The following C14orf39 variants were observed in gnomAD, a reference collection of about 807,000 sequenced individuals.
The protein encoded by C14orf39 is protein SIX6OS1.
Under a neutral mutation model 85.6 loss-of-function variants are expected in C14orf39, and 66 were observed. The observed-to-expected ratio is 0.77, with a 90% CI of 0.63 to 0.95. The LOEUF (loss-of-function observed/expected upper bound fraction) is 0.95. Ranked by LOEUF, C14orf39 falls within the 40% of genes least tolerant of loss-of-function variation. The pLI is 0.00. For missense variants in C14orf39, 735 were observed against 663.9 expected (o/e 1.11, Z -1.18); for synonymous variants, 242 against 214.0 (o/e 1.13, Z -1.14).
intron 1 of C14orf39, among the ~76,000 whole-genome samples, chr14:60,502,902 A>G (rs1398717554): frequency 6.6e-6 from 1 of 152,272 alleles, no homozygotes; most frequent in Non-Finnish European, 1.5e-5. Flanking sequence ...TAGGCTGAAA[A>G]GAAGATGAAG....
chr14:60,445,433 GACT>G lies in C14orf39; in HGVS notation c.1504-3305_1504-3303del, dbSNP rs201855043. ...TGCAATCCTAGTCTCTGATAAAACA[GACT>G]TTAAACCAACAAAGATCAAAAGAGA... On this transcript the variant is annotated intron_variant, in intron 16 of 17. Coordinates refer to ENST00000321731, the MANE Select transcript of C14orf39 (RefSeq NM_174978.3). Among the ~76,000 whole-genome samples, 849 of 152,230 alleles carry G rather than the reference GACT, an allele frequency of 5.6e-3. 2 individuals are homozygous for G. Among genetic ancestry groups the G allele is most frequent in the African/African-American group, 0.018 (761 of 41,538 alleles).
Position 60,436,763 on chromosome 14 carries a change from T to A in C14orf39, c.*82A>T. The A allele has an allele frequency of 1.2e-6, 1 of 856,392 alleles. No homozygotes were observed. The highest frequency in any genetic ancestry group is 1.7e-5 in the South Asian group (1 of 59,772). The allele number at this position is 856,392 out of a possible 1,614,324, so 53.0% of individuals were successfully genotyped here. A position where few individuals can be genotyped will look rare whatever the true frequency, so the allele number is the denominator to read the frequency against. ...TGCTTTAATCAATAAAAGAAAGCAG[T>A]CTTCATGTTTTAAGCAATAATGTAA... On this transcript the variant is annotated 3_prime_UTR_variant, in exon 18 of 18. Transcript: ENST00000321731.
intron 16 of C14orf39, among the ~76,000 whole-genome samples, chr14:60,445,529 T>C (rs1212604179): frequency 6.6e-6 from 1 of 152,142 alleles, no homozygotes; most frequent in Non-Finnish European, 1.5e-5. Flanking sequence ...CCTAAATATA[T>C]ATGAACCCAA....
At chr14:60,464,649 G>A (rs1385022317) in intron 11 of C14orf39, among the ~76,000 whole-genome samples, 1 of 151,870 alleles carries the variant, frequency 6.6e-6, no homozygotes, top group Non-Finnish European at 1.5e-5. Flanking sequence ...ACTCTATTTC[G>A]TACAACATTG....
intron 16 of C14orf39, among the ~76,000 whole-genome samples, chr14:60,444,069 G>T (rs1018506700): frequency 6.6e-6 from 1 of 152,194 alleles, no homozygotes; most frequent in African/African-American, 2.4e-5. Context: ...ACCAAAGGTA[G>T]ATAAAACCAC....
In C14orf39 at chr14:60,491,339, GTCTT is replaced by G. The variant is rs574138076; in HGVS notation, c.-8-6257_-8-6254del. Among the ~76,000 whole-genome samples the G allele has an allele frequency of 1.8e-3, 271 of 152,254 alleles. No homozygotes were observed. The highest frequency in any genetic ancestry group is 6.1e-3 in the African/African-American group (253 of 41,562). ...GTCCCAACATGGTGAAGAGGACAAA[GTCTT>G]TCCCTCAAGCCCTTTTATAGGCACT... On this transcript the variant is annotated intron_variant, in intron 2 of 5. Transcript: ENST00000556799. This position sits in a 1 kb window ranked among gnomAD's most constrained non-coding sequence, Gnocchi z 4.5.
intron 1 of C14orf39, among the ~76,000 whole-genome samples, chr14:60,500,588 TA>T (rs1486689516): frequency 6.6e-6 from 1 of 152,204 alleles, no homozygotes; most frequent in Non-Finnish European, 1.5e-5. Context: ...GAACACAATG[TA>T]ACCTTCAAAA....
At chr14:60,472,293 T>A (rs1295645361) in intron 5 of C14orf39, among the ~76,000 whole-genome samples, 1 of 152,114 alleles carries the variant, frequency 6.6e-6, no homozygotes, top group East Asian at 1.9e-4. Context: ...GAAAATTTTA[T>A]CACAGTTTAG....
Position 60,482,215 on chromosome 14 carries a change from G to A in C14orf39, c.233+1476C>T, listed in dbSNP as rs75629854. 2.0e-3 allele frequency among the ~76,000 whole-genome samples: 300 copies of A among 152,230 alleles called. 1 individual carries two copies. The highest frequency in any genetic ancestry group is 7.0e-3 in the African/African-American group (291 of 41,554). ...GTATCTAGGACACGGTAGGTTCTAC[G>A]GGGAAACTATTAGTACTTTTCCACA... On this transcript the variant is annotated intron_variant, in intron 4 of 17. Transcript: ENST00000321731.
At chr14:60,446,004 T>G (rs1295533919) in intron 16 of C14orf39, among the ~76,000 whole-genome samples, 5 of 152,140 alleles carry the variant, frequency 3.3e-5, no homozygotes, top group Non-Finnish European at 7.4e-5. Context: ...AAGACGTTCT[T>G]TGAAACCAAT....
chr14:60,458,863 T>C (rs1891396110), intron 13 of C14orf39, 124 bp from the exon 14 acceptor site: 3 of 650,044 alleles, frequency 4.6e-6, no homozygotes, highest in Non-Finnish European at 7.9e-6. Flanking sequence ...CAACTTCATA[T>C]GGTTCAACAT....
At chr14:60,456,883 A>G (rs1163270186) in intron 15 of C14orf39, 34 bp downstream of exon 15, 11 of 1,489,328 alleles carry the variant, frequency 7.4e-6, no homozygotes, top group Admixed American at 2.3e-5. Context: ...CAACATACAA[A>G]TAATTTAACA....
At position 60,515,473 on chromosome 14, in the gene C14orf39, G is replaced by T. The variant is rs1036886459; in HGVS notation, c.-222C>A. The T allele has an allele frequency of 6.6e-6, 1 of 151,954 alleles. No homozygotes were observed. The highest frequency in any genetic ancestry group is 2.4e-5 in the African/African-American group (1 of 41,400). 9.4% of individuals were successfully genotyped at this position (151,954 alleles called of 1,614,324 possible). A position where few individuals can be genotyped will look rare whatever the true frequency, so the allele number is the denominator to read the frequency against. On this transcript the variant is annotated 5_prime_UTR_variant, in exon 1 of 6. Transcript: ENST00000556799. The surrounding 1 kb of genome is among the most constrained non-coding windows in gnomAD (Gnocchi z 6.2). The stretch of plus-strand genomic sequence containing the variant: ...CTACTGTTGGGCTGCGTGACTCAGC[G>T]GCTCGAGGAGAGAAACCTCTCAAAA...
upstream of C14orf39, among the ~76,000 whole-genome samples, chr14:60,490,438 TATAAATAAATAAATGAATAAATAAATAA>T (rs1412695945): frequency 3.8e-5 from 4 of 105,308 alleles, no homozygotes; most frequent in East Asian, 2.1e-4. Flanking sequence ...AACCCATCTC[TATAAATAAATAAATGAATAAATAAATAA>T]ATAAATAAAT....
chr14:60,510,097 G>C (rs1324418936), intron 1 of C14orf39: 9 of 844,330 alleles, frequency 1.1e-5, no homozygotes, highest in South Asian at 1.1e-4. Context: ...GTCTGTCTTG[G>C]GTTAAGAGCC....
In C14orf39 at chr14:60,491,405, C is replaced by G. The variant is rs1407781171; in HGVS notation, c.-8-6319G>C. On this transcript the variant is annotated intron_variant, in intron 2 of 5. Coordinates refer to the C14orf39 transcript ENST00000556799. This position sits in a 1 kb window ranked among gnomAD's most constrained non-coding sequence, Gnocchi z 4.5. Reference sequence around the variant, plus strand: ...CTCATCACGCCTCTTAATACTATTACATTAGGGATTAAGTTTCAACATGAA... The same window carrying G: ...CTCATCACGCCTCTTAATACTATTAGATTAGGGATTAAGTTTCAACATGAA... 2.6e-5 allele frequency among the ~76,000 whole-genome samples: 4 copies of G among 152,186 alleles called. No homozygotes were observed. The highest frequency in any genetic ancestry group is 9.7e-5 in the African/African-American group (4 of 41,440).
At position 60,445,572 on chromosome 14, in the gene C14orf39, T is replaced by A. The variant is rs58498037; in HGVS notation, c.1504-3441A>T. On this transcript the variant is annotated intron_variant, in intron 16 of 17. Transcript: ENST00000321731. ...GCACCCAGATTCATAAAGCAAGTCA[T>A]TAGAGAGCTACAAAGAGACTTAGAC... 2.9e-3 allele frequency among the ~76,000 whole-genome samples: 446 copies of A among 152,262 alleles called. 1 individual carries two copies. Among genetic ancestry groups the A allele is most frequent in the African/African-American group, 0.01 (429 of 41,558 alleles).
At chr14:60,485,370 A>T (rs888863674) in intron 1 of C14orf39, among the ~76,000 whole-genome samples, 12 of 152,218 alleles carry the variant, frequency 7.9e-5, no homozygotes, top group Admixed American at 4.6e-4. Flanking sequence ...TGGGATTGCA[A>T]CAAGCATCCG....
chr14:60,459,170 T>C (rs1831140366), intron 13 of C14orf39, among the ~76,000 whole-genome samples: 1 of 151,794 alleles, frequency 6.6e-6, no homozygotes, highest in Non-Finnish European at 1.5e-5. Flanking sequence ...TTGGTTTTTG[T>C]TTTGCATATG....
Sources: gnomAD v4.1 joint callset for allele counts (sites outside exome capture counted in the v4.1 genomes callset) on GRCh38, gnomAD v4.1.1 for gene constraint, Gnocchi (gnomAD v3.1) non-coding constraint, MANE v1.5 for transcripts, NCBI Gene and HGNC (gene_info 2026-07-23, HGNC 2026-07-21) for gene names.